Variants in PCCA observed in about 807,000 individuals in gnomAD.
The protein encoded by PCCA is propionyl-CoA carboxylase alpha chain, mitochondrial.
Under a neutral mutation model 101.3 loss-of-function variants are expected in PCCA, and 74 were observed. The observed-to-expected ratio is 0.73, with a 90% CI of 0.61 to 0.89. The LOEUF (loss-of-function observed/expected upper bound fraction) is 0.89. PCCA is among the 40% of genes least tolerant of loss of function. The pLI is 0.00. For synonymous variants in PCCA, 294 were observed against 313.6 expected (o/e 0.94, Z 0.66); for missense variants, 891 against 907.0 (o/e 0.98, Z 0.23).
intron 12 of PCCA, among the ~76,000 whole-genome samples, chr13:100,281,981 C>T (rs2064159302): frequency 6.6e-6 from 1 of 152,212 alleles, no homozygotes; most frequent in Non-Finnish European, 1.5e-5. Flanking sequence ...TGTTTCTTCT[C>T]TCCCTGGCCA....
At chr13:100,520,255 C>T (rs184312404) in intron 22 of PCCA, among the ~76,000 whole-genome samples, 51 of 152,350 alleles carry the variant, frequency 3.3e-4, no homozygotes, top group Admixed American at 8.5e-4. Context: ...GTGGCAAGCT[C>T]CTCCATCTCA....
At chr13:100,156,001 CTCT>C (rs1351910600) in intron 5 of PCCA, among the ~76,000 whole-genome samples, 1 of 152,204 alleles carries the variant, frequency 6.6e-6, no homozygotes, top group Non-Finnish European at 1.5e-5. Context: ...GGAATGAAAA[CTCT>C]TCTTCTCTGA....
At chr13:100,206,111 A>C (rs2058836002) in intron 6 of PCCA, among the ~76,000 whole-genome samples, 3 of 152,122 alleles carry the variant, frequency 2.0e-5, no homozygotes, top group African/African-American at 7.2e-5. Context: ...CAAATACAGA[A>C]ACATTTGATA....
chr13:100,447,181 G>A (rs1428578780), intron 20 of PCCA, among the ~76,000 whole-genome samples: 3 of 152,084 alleles, frequency 2.0e-5, no homozygotes, highest in Admixed American at 6.6e-5. Context: ...TCAGGAGTTC[G>A]AGACCAGCCT....
chr13:100,286,276 G>C (rs564627077), intron 12 of PCCA, among the ~76,000 whole-genome samples: 1 of 152,276 alleles, frequency 6.6e-6, no homozygotes, highest in Non-Finnish European at 1.5e-5. Context: ...CTTACAGATG[G>C]AGCAATGGTG....
chr13:100,157,471 CAAGTG>C (rs1270888349), intron 6 of PCCA, 131 bp downstream of exon 6: 6 of 686,404 alleles, frequency 8.7e-6, no homozygotes, highest in Admixed American at 4.6e-5. Context: ...AAAATTGTGA[CAAGTG>C]AAGTGGTTTT....
At chr13:100,312,094 T>C (rs570452948) in intron 16 of PCCA, among the ~76,000 whole-genome samples, 16 of 152,324 alleles carry the variant, frequency 1.1e-4, no homozygotes, top group East Asian at 3.9e-4. Context: ...GTCTGACACA[T>C]GCTAGATGAT....
intron 19 of PCCA, among the ~76,000 whole-genome samples, chr13:100,414,229 T>G (rs770827623): frequency 1.1e-4 from 17 of 152,196 alleles, no homozygotes; most frequent in Non-Finnish European, 4.4e-5. Context: ...TTATTACATA[T>G]ATATTTGGGA....
intron 6 of PCCA, among the ~76,000 whole-genome samples, chr13:100,171,230 T>C (rs1435010845): frequency 2.0e-5 from 3 of 152,224 alleles, no homozygotes; most frequent in African/African-American, 7.2e-5. Context: ...GCTATTCTTT[T>C]GAAATACATT....
chr13:100,524,983 G>GGATAGATAGATA (rs201979758), intron 22 of PCCA, among the ~76,000 whole-genome samples: 552 of 137,270 alleles, frequency 4.0e-3, no homozygotes, highest in East Asian at 5.5e-3. Context: ...TCTCTAAGAT[G>GGATAGATAGATA]GATAGATAGA....
intron 2 of PCCA, among the ~76,000 whole-genome samples, chr13:100,108,847 G>A (rs1414439744): frequency 6.6e-6 from 1 of 152,118 alleles, no homozygotes; most frequent in African/African-American, 2.4e-5. Context: ...GCAGGGACTT[G>A]GGTGTCTCTT....
intron 19 of PCCA, among the ~76,000 whole-genome samples, chr13:100,410,172 A>G (rs988044367): frequency 6.6e-6 from 1 of 152,226 alleles, no homozygotes; most frequent in Non-Finnish European, 1.5e-5. Flanking sequence ...TGACTGTCCA[A>G]ATAGCCTGAC....
chr13:100,157,179 A>G (rs2053972378), intron 5 of PCCA, 108 bp from the exon 6 acceptor site: 1 of 714,142 alleles, frequency 1.4e-6, no homozygotes, highest in African/African-American at 1.8e-5. Context: ...GTACTTATTC[A>G]AGGGCTCTTG....
At chr13:100,308,239 C>T (rs898205208) in intron 15 of PCCA, among the ~76,000 whole-genome samples, 3 of 152,192 alleles carry the variant, frequency 2.0e-5, no homozygotes, top group Admixed American at 2.0e-4. Context: ...AGCCTTGTTT[C>T]TCAAGATGGC....
chr13:100,141,752 T>C (rs1178331683), intron 4 of PCCA, among the ~76,000 whole-genome samples: 1 of 152,192 alleles, frequency 6.6e-6, no homozygotes, highest in Non-Finnish European at 1.5e-5. Flanking sequence ...AAGTCTTTCA[T>C]ACCAGACCAA....
At chr13:100,209,158 C>T (rs961979029) in intron 6 of PCCA, among the ~76,000 whole-genome samples, 174 bp from the exon 7 acceptor site, 1 of 152,144 alleles carries the variant, frequency 6.6e-6, no homozygotes, top group Non-Finnish European at 1.5e-5. Flanking sequence ...ATGCATCTAT[C>T]CACACATGTA....
intron 12 of PCCA, among the ~76,000 whole-genome samples, chr13:100,297,469 G>T (rs2065647415): frequency 6.6e-6 from 1 of 152,210 alleles, no homozygotes; most frequent in South Asian, 2.1e-4. Context: ...CTACCGAAAT[G>T]AGATACATTA....
chr13:100,321,017 A>T (rs2152715634), intron 16 of PCCA, among the ~76,000 whole-genome samples: 1 of 149,180 alleles, frequency 6.7e-6, no homozygotes, highest in Admixed American at 6.8e-5. Context: ...AAGGGCTGGG[A>T]TTACAGGTGT....
In PCCA at chr13:100,154,969, G is replaced by A; in HGVS notation, c.301-10G>A. On this transcript the variant is annotated splice_polypyrimidine_tract_variant and intron_variant, in intron 4 of 23. Transcript: ENST00000376285. ...GGCGCATCTGTTAATGCAGAAATTTGTCTCCTCAGGTTCATGTGAAAATGG... is the reference window on the plus strand; with the variant it reads ...GGCGCATCTGTTAATGCAGAAATTTATCTCCTCAGGTTCATGTGAAAATGG... 2 of 1,597,788 alleles carry A rather than the reference G, an allele frequency of 1.3e-6. No homozygotes were observed. The highest frequency in any genetic ancestry group is 1.1e-5 in the South Asian group (1 of 90,724).
Sources: allele counts gnomAD v4.1 joint callset (sites outside exome capture counted in the v4.1 genomes callset), GRCh38; gene constraint gnomAD v4.1.1; transcripts MANE v1.5; gene names NCBI Gene and HGNC (gene_info 2026-07-23, HGNC 2026-07-21).